DDR2: variants seen among roughly 807,000 people sequenced by gnomAD.
DDR2 encodes discoidin domain-containing receptor 2.
In DDR2, 27 loss-of-function variants were observed where a neutral mutation model predicts 94.9. The observed-to-expected ratio is 0.28, with a 90% CI of 0.21 to 0.39. The LOEUF is 0.39. DDR2 is among the 10% of genes least tolerant of loss of function. The pLI is 1.00. For synonymous variants in DDR2, 382 were observed against 377.2 expected (o/e 1.01, Z -0.15); for missense variants, 783 against 1,076.0 (o/e 0.73, Z 3.81).
At position 162,783,841 on chromosome 1, in the gene DDR2, C is replaced by T. The variant is rs1330896902; in HGVS notation, c.*3595C>T. Reference sequence around the variant, plus strand: ...TGTGAGCATCAGGTATATTCTGGACCATTTCAAGTGCTGGTGAGAAGAAAG... The same window carrying T: ...TGTGAGCATCAGGTATATTCTGGACTATTTCAAGTGCTGGTGAGAAGAAAG... On this transcript the variant is annotated 3_prime_UTR_variant, in exon 18 of 18. Coordinates refer to ENST00000367921, the MANE Select transcript of DDR2 (RefSeq NM_006182.4). The T allele has an allele frequency of 6.6e-6, 1 of 152,122 alleles. No homozygotes were observed. The highest frequency in any genetic ancestry group is 1.5e-5 in the Non-Finnish European group (1 of 68,010). 9.4% of individuals were successfully genotyped at this position (152,122 alleles called of 1,614,324 possible).
At chr1:162,688,010 A>C (rs1659770798) in intron 2 of DDR2, among the ~76,000 whole-genome samples, 4 of 152,220 alleles carry the variant, frequency 2.6e-5, no homozygotes, top group African/African-American at 9.7e-5. Context: ...ACTCAGTCCA[A>C]AGGTGACTGT....
chr1:162,742,412 G>A (rs147609601), intron 3 of DDR2, among the ~76,000 whole-genome samples: 763 of 152,350 alleles, frequency 5.0e-3, no homozygotes, highest in Middle Eastern at 0.01. Flanking sequence ...ATCGTGGACG[G>A]TGAAGTGGGA....
chr1:162,723,291 A>C (rs146097143), intron 3 of DDR2, among the ~76,000 whole-genome samples: 2,065 of 152,266 alleles, frequency 0.014, 16 homozygotes, highest in Non-Finnish European at 0.021. Context: ...GCTATGTAGG[A>C]GATCCATTCC....
chr1:162,765,381 C>A (rs1663939448), intron 9 of DDR2, among the ~76,000 whole-genome samples: 1 of 152,100 alleles, frequency 6.6e-6, no homozygotes, highest in Admixed American at 6.6e-5. Context: ...AATACATATT[C>A]TAATTCTTGA....
intron 16 of DDR2, chr1:162,777,618 A>G (rs957900198): frequency 1.3e-5 from 2 of 152,206 alleles, no homozygotes; most frequent in Non-Finnish European, 2.9e-5. Context: ...TTAGACTGAC[A>G]TTCAGAGGAC....
chr1:162,735,627 A>C (rs1370912200), intron 3 of DDR2, among the ~76,000 whole-genome samples: 3 of 152,226 alleles, frequency 2.0e-5, no homozygotes, highest in Non-Finnish European at 4.4e-5. Context: ...TTCAGGAAGG[A>C]AACTGGCACT....
chr1:162,756,823 A>G (rs1459661714), intron 7 of DDR2, among the ~76,000 whole-genome samples: 1 of 152,154 alleles, frequency 6.6e-6, no homozygotes, highest in East Asian at 1.9e-4. Context: ...CGGTCTTGGC[A>G]TAATTTCGCT....
intron 2 of DDR2, among the ~76,000 whole-genome samples, chr1:162,682,449 C>T (rs1659457490): frequency 6.6e-6 from 1 of 152,198 alleles, no homozygotes; most frequent in African/African-American, 2.4e-5. Flanking sequence ...TTACTTCTCT[C>T]CCAAGTGGGA....
intron 7 of DDR2, among the ~76,000 whole-genome samples, chr1:162,757,133 T>A (rs1229017156): frequency 6.6e-6 from 1 of 152,130 alleles, no homozygotes; most frequent in Non-Finnish European, 1.5e-5. Context: ...AGCACAAAAA[T>A]GGGGATGAAA....
chr1:162,704,133 C>G (rs1660549597), intron 2 of DDR2, among the ~76,000 whole-genome samples: 1 of 152,176 alleles, frequency 6.6e-6, no homozygotes, highest in South Asian at 2.1e-4. Context: ...TGCTATCAAA[C>G]AAAAGATATT....
intron 2 of DDR2, among the ~76,000 whole-genome samples, chr1:162,706,239 C>A (rs1660656311): frequency 6.6e-6 from 1 of 152,204 alleles, no homozygotes; most frequent in South Asian, 2.1e-4. Flanking sequence ...CTCATCTACC[C>A]AGCACATTCA....
chr1:162,672,868 C>A (rs1211807165), intron 2 of DDR2, among the ~76,000 whole-genome samples: 3 of 152,052 alleles, frequency 2.0e-5, no homozygotes, highest in African/African-American at 7.3e-5. Flanking sequence ...CCTCTCTGTC[C>A]CCATGAAGCA....
chr1:162,741,721 A>G (rs1479558567), intron 3 of DDR2: 1 of 985,314 alleles, frequency 1.0e-6, no homozygotes, highest in Non-Finnish European at 1.2e-6. Context: ...GGGTAAGTGA[A>G]GTTCTACATT....
At chr1:162,645,098 G>A (rs1285619101) in intron 1 of DDR2, among the ~76,000 whole-genome samples, 1 of 152,192 alleles carries the variant, frequency 6.6e-6, no homozygotes, top group Admixed American at 6.5e-5. Flanking sequence ...CAGGGGTGGC[G>A]TGGTCATAAG....
chr1:162,668,026 T>TG (rs763832632), intron 2 of DDR2, among the ~76,000 whole-genome samples: 21 of 150,812 alleles, frequency 1.4e-4, no homozygotes, highest in Non-Finnish European at 2.7e-4. Flanking sequence ...GTAGGGGGAG[T>TG]GGGGGAAGAA....
chr1:162,725,538 C>G (rs1661620679), intron 3 of DDR2, among the ~76,000 whole-genome samples: 1 of 152,168 alleles, frequency 6.6e-6, no homozygotes, highest in African/African-American at 2.4e-5. Context: ...GCCACCACAC[C>G]CAACTAGTTT....
chr1:162,722,715 TTG>T (rs1323030066), intron 3 of DDR2, among the ~76,000 whole-genome samples: 1 of 152,268 alleles, frequency 6.6e-6, no homozygotes, highest in African/African-American at 2.4e-5. Context: ...CATAAATTAA[TTG>T]TGTGACAGTG....
intron 3 of DDR2, among the ~76,000 whole-genome samples, chr1:162,727,065 T>A (rs1661709174): frequency 6.9e-6 from 1 of 145,668 alleles, no homozygotes; most frequent in East Asian, 2.0e-4. Flanking sequence ...AAATATATTA[T>A]AAATATTATA....
At chr1:162,770,256 A>C in intron 11 of DDR2, 46 bp from the exon 12 acceptor site, 1 of 1,576,702 alleles carries the variant, frequency 6.3e-7, no homozygotes, top group East Asian at 2.2e-5. Context: ...GGCATTGACC[A>C]TCTCTTTTGT....
Sources: gnomAD v4.1 joint callset for allele counts (sites outside exome capture counted in the v4.1 genomes callset) on GRCh38, gnomAD v4.1.1 for gene constraint, MANE v1.5 for transcripts, NCBI Gene and HGNC (gene_info 2026-07-23, HGNC 2026-07-21) for gene names.